PEG3: variants seen among roughly 807,000 people sequenced by gnomAD.
PEG3 encodes the protein paternally expressed 3.
PEG3 carries 23 observed loss-of-function variants against 35.5 expected under a neutral mutation model. The observed-to-expected ratio is 0.65, with a 90% CI of 0.47 to 0.92. PEG3 has a LOEUF of 0.92. Ranked by LOEUF, PEG3 falls within the 40% of genes least tolerant of loss-of-function variation. The pLI is 0.00. For missense variants in PEG3, 1,960 were observed against 1,985.3 expected, an observed-to-expected ratio of 0.99 and a Z score of 0.24; for synonymous variants, 707 against 697.0, an observed-to-expected ratio of 1.01 and a Z score of -0.23.
At position 56,815,462 on chromosome 19, in the gene PEG3, C is replaced by T. The variant is rs1322675979; in HGVS notation, c.2980G>A (p.Glu994Lys). 4 of 1,614,016 alleles carry T rather than the reference C, an allele frequency of 2.5e-6. No individual in the cohort carries two copies. The highest frequency in any genetic ancestry group is 1.7e-5 in the Admixed American group (1 of 60,000). ...LTEHQKIHDR[E>K]KPSGSRNYEW... The stretch of plus-strand genomic sequence containing the variant: ...TAGTTTCTGCTTCCAGAGGGCTTCT[C>T]CCTATCATGAATCTTCTGGTGCTCA... The change falls in exon 10 of 10, where the codon GAG becomes AAG. Residue 994 changes from glutamate to lysine, a missense_variant. By Grantham distance (56) the Glu-to-Lys change is moderately conservative. Transcript: ENST00000326441.
intron 6 of PEG3, 105 bp from the exon 7 acceptor site, chr19:56,821,859 G>C: frequency 8.2e-7 from 1 of 1,216,462 alleles, no homozygotes; most frequent in East Asian, 2.3e-5. Flanking sequence ...GAGTGTATGA[G>C]AGCAAGTGCC....
In PEG3 at chr19:56,817,119, C is replaced by T; in HGVS notation, c.1323G>A (p.Glu441=). Reference sequence around the variant, plus strand: ...TTGCCCCAAAATCAATTGGCTGTGACTCGGTAAAGGAGGGGGAGCTGAGGC... The same window carrying T: ...TTGCCCCAAAATCAATTGGCTGTGATTCGGTAAAGGAGGGGGAGCTGAGGC... The part of the protein sequence containing the change: ...LSSLSSPSFT[E]SQPIDFGAMP... Residue 441 remains glutamate (E), a synonymous_variant, in exon 10 of 10, where the codon GAG becomes GAA. Transcript: ENST00000326441. 6.2e-7 allele frequency: 1 copy of T among 1,614,152 alleles called. No individual in the cohort carries two copies.
At position 56,815,776 on chromosome 19, in the gene PEG3, C is replaced by A. The variant is rs149573512; in HGVS notation, c.2666G>T (p.Arg889Leu). 1 of 1,613,608 alleles carries A rather than the reference C, an allele frequency of 6.2e-7. No homozygotes were observed. Among genetic ancestry groups the A allele is most frequent in the Non-Finnish European group, 8.5e-7 (1 of 1,179,678 alleles). The stretch of plus-strand genomic sequence containing the variant: ...CTGTATGACAGAGTCTTCATAGTTG[C>A]GATTCTTACTGCCCCCTTCACAAGG... Reference protein sequence around the residue: ...ENPCEGGSKNRNYEDSVIQSV... With the variant: ...ENPCEGGSKNLNYEDSVIQSV... The change falls in exon 10 of 10, where the codon CGC becomes CTC. Residue 889 changes from arginine to leucine, a missense_variant. Coordinates refer to ENST00000326441, the MANE Select transcript of PEG3 (RefSeq NM_006210.3).
chr19:56,812,100 A>G lies in PEG3; in HGVS notation c.*1575T>C. 1 of 977,030 alleles carries G rather than the reference A, an allele frequency of 1.0e-6. No individual in the cohort carries two copies. The highest frequency in any genetic ancestry group is 1.2e-6 in the Non-Finnish European group (1 of 822,272). 60.5% of individuals were successfully genotyped at this position (977,030 alleles called of 1,614,324 possible). ...TTGCTTGTTCAAATGATCTACACTT[A>G]CATTTTGCAAATCTTTTTTTTTAAA... On this transcript the variant is annotated 3_prime_UTR_variant, in exon 10 of 10. Coordinates refer to ENST00000326441, the MANE Select transcript of PEG3 (RefSeq NM_006210.3).
chr19:56,813,865 G>C lies in PEG3; in HGVS notation c.4577C>G (p.Thr1526Ser). The change falls in exon 10 of 10, where the codon ACT (threonine) becomes AGT (serine). Residue 1526 changes from threonine (T) to serine (S), a missense_variant. Around this residue, in one of 5 missense-constraint regions of PEG3, gnomAD observed 416 missense variants for 416.7 expected, o/e 1.00. Coordinates refer to ENST00000326441, the MANE Select transcript of PEG3 (RefSeq NM_006210.3). ...CTCAAATATGATCATGCTGGCATGA[G>C]TTTTCAGGTGTTCACTGAATGCTGT... ...SSTAFSEHLK[T>S]HASMIIFEPA... The C allele has an allele frequency of 6.2e-7, 1 of 1,614,174 alleles. No homozygotes were observed. The highest frequency in any genetic ancestry group is 1.1e-5 in the South Asian group (1 of 91,082).
intron 2 of PEG3, among the ~76,000 whole-genome samples, chr19:56,829,509 G>A (rs967697419): frequency 2.1e-4 from 32 of 152,212 alleles, no homozygotes; most frequent in African/African-American, 6.3e-4. Flanking sequence ...AGGGAAACGT[G>A]TTCTGTTGTG....
At chr19:56,837,767 G>A (rs1568734936) in intron 1 of PEG3, among the ~76,000 whole-genome samples, 1 of 152,230 alleles carries the variant, frequency 6.6e-6, no homozygotes, top group African/African-American at 2.4e-5. Flanking sequence ...AATCCCCTCA[G>A]CCCCCTCCAA....
At chr19:56,835,919 T>C (rs1466577803) in intron 2 of PEG3, 99 bp downstream of exon 2, 3 of 439,256 alleles carry the variant, frequency 6.8e-6, no homozygotes, top group African/African-American at 6.0e-5. Flanking sequence ...CTGGGGTGGC[T>C]ATGTGGAACA....
chr19:56,822,731 A>C, intron 6 of PEG3, 22 bp downstream of exon 6: 1 of 1,613,364 alleles, frequency 6.2e-7, no homozygotes, highest in Non-Finnish European at 8.5e-7. Context: ...TCCTACTGGG[A>C]AAGAAAGTGG....
At chr19:56,835,511 C>T (rs1229385377) in intron 2 of PEG3, among the ~76,000 whole-genome samples, 1 of 152,188 alleles carries the variant, frequency 6.6e-6, no homozygotes, top group African/African-American at 2.4e-5. Context: ...TGTTCTTTAC[C>T]ATCTCAGGGA....
chr19:56,838,706 C>T (rs1267114344), intron 1 of PEG3, among the ~76,000 whole-genome samples: 1 of 152,214 alleles, frequency 6.6e-6, no homozygotes, highest in African/African-American at 2.4e-5. Context: ...TCTTTAGGCA[C>T]GTCTCCCGGC....
intron 8 of PEG3, 114 bp downstream of exon 8, chr19:56,818,486 C>T (rs528472529): frequency 1.3e-5 from 14 of 1,102,770 alleles, no homozygotes; most frequent in Non-Finnish European, 1.8e-5. Context: ...TTTCTTATTA[C>T]CCTTGAAGTC....
In PEG3 at chr19:56,812,018, C is replaced by A. The variant is rs1295370638; in HGVS notation, c.*1657G>T. 8.1e-6 allele frequency: 8 copies of A among 984,886 alleles called. No homozygotes were observed. Among genetic ancestry groups the A allele is most frequent in the Non-Finnish European group, 9.6e-6 (8 of 829,582 alleles). 61.0% of individuals were successfully genotyped at this position (984,886 alleles called of 1,614,324 possible). A position where few individuals can be genotyped will look rare whatever the true frequency, so the allele number is the denominator to read the frequency against. On this transcript the variant is annotated 3_prime_UTR_variant, in exon 10 of 10. Coordinates refer to ENST00000326441, the MANE Select transcript of PEG3 (RefSeq NM_006210.3). ...CTTTGACATACTTCCAAGCCCTAAT[C>A]CTGCAGATCCAGAAGAGTAAGATTC...
chr19:56,821,002 G>C (rs2060433100), intron 7 of PEG3, among the ~76,000 whole-genome samples: 1 of 152,150 alleles, frequency 6.6e-6, no homozygotes, highest in African/African-American at 2.4e-5. Flanking sequence ...ACAAGCTCAA[G>C]TTCCACATTT....
In PEG3 at chr19:56,822,813, C is replaced by T. The variant is rs2060629528; in HGVS notation, c.505G>A (p.Gly169Ser). Residue 169 changes from glycine (G) to serine (S), a missense_variant, in exon 6 of 10, where the codon GGC (glycine) becomes AGC (serine). Transcript: ENST00000326441. Reference protein sequence around the residue: ...SFSDRDWDRRGRSRDMEPRDR... With the variant: ...SFSDRDWDRRSRSRDMEPRDR... ...CGTGGCTCCATGTCTCTGCTTCTGC[C>T]CCTCCGGTCCCAGTCCCGGTCACCT... 2 of 1,613,862 alleles carry T rather than the reference C, an allele frequency of 1.2e-6. No individual in the cohort carries two copies. Among genetic ancestry groups the T allele is most frequent in the South Asian group, 2.2e-5 (2 of 91,018 alleles).
At chr19:56,827,004 A>C (rs2146424381) in intron 2 of PEG3, among the ~76,000 whole-genome samples, 1 of 152,338 alleles carries the variant, frequency 6.6e-6, no homozygotes, top group Middle Eastern at 3.4e-3. Flanking sequence ...ATTTTTTTAA[A>C]GAAAATACAA....
intron 2 of PEG3, among the ~76,000 whole-genome samples, chr19:56,829,366 G>T (rs983589293): frequency 6.7e-6 from 1 of 148,186 alleles, no homozygotes; most frequent in African/African-American, 2.5e-5. Flanking sequence ...AAAAAAGTCA[G>T]CTGCACACTA....
chr19:56,822,987 T>C, intron 5 of PEG3, 151 bp from the exon 6 acceptor site: 1 of 1,025,566 alleles, frequency 9.8e-7, no homozygotes, highest in Non-Finnish European at 1.4e-6. Flanking sequence ...CCCAGGCTCA[T>C]CTGGCCCCTT....
Position 56,814,021 on chromosome 19 carries a change from T to TC in PEG3, c.4420dup (p.Glu1474GlyfsTer10). On this transcript the variant is annotated frameshift_variant, in exon 10 of 10. Coordinates refer to ENST00000326441, the MANE Select transcript of PEG3 (RefSeq NM_006210.3). LOFTEE classifies it low-confidence loss of function (END_TRUNC). This position sits in a 1 kb window ranked among gnomAD's most constrained non-coding sequence, Gnocchi z 5.8. ...AGGCTCGTCGGCATCTCCCTCTGGC[T>TC]CTTCAGCTTTTCCCTCTGGCTCTTC... 1.2e-6 allele frequency: 2 copies of TC among 1,613,356 alleles called. No individual in the cohort carries two copies. The highest frequency in any genetic ancestry group is 1.7e-6 in the Non-Finnish European group (2 of 1,179,344).
Sources: allele counts gnomAD v4.1 joint callset (sites outside exome capture counted in the v4.1 genomes callset), GRCh38; gene constraint gnomAD v4.1.1; regional missense constraint gnomAD v4.1.1; non-coding constraint Gnocchi (gnomAD v3.1); transcripts MANE v1.5; gene names NCBI Gene and HGNC (gene_info 2026-07-23, HGNC 2026-07-21).